ZSCAN4: variants seen among roughly 807,000 people sequenced by gnomAD.
The protein encoded by ZSCAN4 is zinc finger and SCAN domain-containing protein 4.
Under a neutral mutation model 18.3 loss-of-function variants are expected in ZSCAN4, and 18 were observed. The observed-to-expected ratio is 0.98, with a 90% CI of 0.68 to 1.46. The LOEUF (loss-of-function observed/expected upper bound fraction) is 1.46, where lower values mean the gene tolerates loss of function less well. Among genes scored for constraint, ZSCAN4 ranks in the 40% most tolerant of loss-of-function variants. The probability of loss-of-function intolerance (pLI) is 0.00; values close to 1 mark genes in which losing one functional copy is unlikely to be tolerated. For missense variants in ZSCAN4, 498 were observed against 511.4 expected (o/e 0.97, Z 0.25); for synonymous variants, 193 against 180.3 (o/e 1.07, Z -0.57).
In ZSCAN4 at chr19:57,671,237, G is replaced by T. The variant is rs73940136; in HGVS notation, c.-106+670G>T. Among the ~76,000 whole-genome samples, 1,301 of 152,194 alleles carry T rather than the reference G, an allele frequency of 8.5e-3. 18 individuals carry two copies. The highest frequency in any genetic ancestry group is 0.03 in the African/African-American group (1,232 of 41,516). ...TAGAGATCATAAAGCCCAGGATACA[G>T]ACCCAGACCTGACGGGTAGCATGCC... is the stretch of plus-strand genomic sequence containing the variant. On this transcript the variant is annotated intron_variant, in intron 2 of 4. Transcript: ENST00000318203.
Position 57,670,053 on chromosome 19 carries a change from C to A in ZSCAN4, c.-428-192C>A, listed in dbSNP as rs374035376. On this transcript the variant is annotated intron_variant, in intron 1 of 4. Transcript: ENST00000318203. ...AAGTAGCTGGGATTACAGGTGCCCA[C>A]CACCATGCCCGGCTAATTTTTGTAT... 2.1e-3 allele frequency among the ~76,000 whole-genome samples: 321 copies of A among 152,080 alleles called. 1 individual carries two copies. Among genetic ancestry groups the A allele is most frequent in the African/African-American group, 7.1e-3 (296 of 41,472 alleles).
At chr19:57,663,519 C>CAAAAAAAAAAAA in the ZSCAN4 span, among the ~76,000 whole-genome samples, 5 of 18,286 alleles carry the variant, frequency 2.7e-4, no homozygotes, top group African/African-American at 1.1e-3. Context: ...AACCATGTCT[C>CAAAAAAAAAAAA]TAAAAAAAAA....
chr19:57,665,711 A>G (rs1263164632), upstream of ZSCAN4, among the ~76,000 whole-genome samples: 2 of 152,094 alleles, frequency 1.3e-5, no homozygotes, highest in African/African-American at 4.8e-5. Flanking sequence ...CCAGATCAGG[A>G]GTTCGAGACC....
At chr19:57,674,937 A>G (rs1282074674) in intron 2 of ZSCAN4, among the ~76,000 whole-genome samples, 1 of 150,722 alleles carries the variant, frequency 6.6e-6, no homozygotes, top group African/African-American at 2.4e-5. Flanking sequence ...ACTACTTTAT[A>G]AAATATTTTT....
At chr19:57,662,312 T>A in the ZSCAN4 span, among the ~76,000 whole-genome samples, 5 of 152,108 alleles carry the variant, frequency 3.3e-5, no homozygotes, top group Non-Finnish European at 1.5e-5. Context: ...CAGGATTATA[T>A]CTTTTTATAT....
chr19:57,657,714 A>T, the ZSCAN4 span, among the ~76,000 whole-genome samples: 4 of 152,172 alleles, frequency 2.6e-5, no homozygotes, highest in Non-Finnish European at 4.4e-5. Context: ...AAGGATACCA[A>T]AACCTGAAGA....
In ZSCAN4 at chr19:57,676,259, G is replaced by A. The variant is rs1480805154; in HGVS notation, c.114G>A (p.Gly38=). Reference sequence around the variant, plus strand: ...GACCTGCTGTTCAGAGAGAAGAAGGGATTTCTGAGTTCTCAAGAATGGTGC... The same window carrying A: ...GACCTGCTGTTCAGAGAGAAGAAGGAATTTCTGAGTTCTCAAGAATGGTGC... The change falls in exon 3 of 5, where the codon GGG becomes GGA. Residue 38 remains glycine (G), a synonymous_variant. Coordinates refer to ENST00000318203, the Ensembl canonical transcript of ZSCAN4. The A allele has an allele frequency of 1.2e-5, 20 of 1,614,132 alleles. No homozygotes were observed. In the East Asian group the frequency reaches 4.5e-4, roughly 36 times the overall value.
At chr19:57,677,214 C>G (rs1314007239) in intron 3 of ZSCAN4, among the ~76,000 whole-genome samples, 5 of 152,168 alleles carry the variant, frequency 3.3e-5, no homozygotes, top group Non-Finnish European at 7.3e-5. Flanking sequence ...CCCATATTTG[C>G]AAAATTGCTA....
chr19:57,668,603 C>T (rs909671425), upstream of ZSCAN4, among the ~76,000 whole-genome samples: 4 of 152,060 alleles, frequency 2.6e-5, no homozygotes, highest in Admixed American at 2.6e-4. Context: ...GTTCTCAACT[C>T]CACCAAAGCC....
In ZSCAN4 at chr19:57,678,435, C is replaced by A. The variant is rs753534121; in HGVS notation, c.832C>A (p.Pro278Thr). ...GATGGGAGCAGGGTGTATCTCTCAACCAGAGCAGTCCTCCCCTGAGTCTGC... is the reference window on the plus strand; with the variant it reads ...GATGGGAGCAGGGTGTATCTCTCAAACAGAGCAGTCCTCCCCTGAGTCTGC... Residue 278 changes from proline (P) to threonine (T), a missense_variant, in exon 5 of 5, where the codon CCA (proline) becomes ACA (threonine). Transcript: ENST00000318203. The A allele has an allele frequency of 2.9e-5, 47 of 1,613,988 alleles. No homozygotes were observed. The Admixed American group carries it at 6.2e-4, about 21-fold the overall frequency.
exon 5 of ZSCAN4, chr19:57,678,829 C>T: frequency 6.2e-7 from 1 of 1,614,038 alleles, no homozygotes; most frequent in Non-Finnish European, 8.5e-7. Context: ...CGCCAGTCAT[C>T]CACATACCAC....
At chr19:57,667,101 C>T (rs1983876188), upstream of ZSCAN4, among the ~76,000 whole-genome samples, 2 of 152,184 alleles carry the variant, frequency 1.3e-5, no homozygotes, top group Non-Finnish European at 2.9e-5. Context: ...CCCAATTGAT[C>T]AGAAAAGCAT....
chr19:57,667,415 T>C (rs1983885027), upstream of ZSCAN4, among the ~76,000 whole-genome samples: 1 of 152,188 alleles, frequency 6.6e-6, no homozygotes, highest in South Asian at 2.1e-4. Context: ...ACTTACAGGC[T>C]ATGTAGCACT....
chr19:57,655,057 C>T, the ZSCAN4 span, among the ~76,000 whole-genome samples: 1 of 152,200 alleles, frequency 6.6e-6, no homozygotes, highest in Admixed American at 6.5e-5. Flanking sequence ...CTCACAAAGG[C>T]TCAAGTAACC....
chr19:57,661,801 G>A, the ZSCAN4 span, among the ~76,000 whole-genome samples: 1 of 152,170 alleles, frequency 6.6e-6, no homozygotes, highest in African/African-American at 2.4e-5. Context: ...GAACTACCAT[G>A]CTGGGCGCGG....
At chr19:57,664,591 G>A (rs987702798), upstream of ZSCAN4, 1 of 161,628 alleles carries the variant, frequency 6.2e-6, no homozygotes, top group African/African-American at 2.4e-5. Flanking sequence ...GGAGCGCTCA[G>A]CGGTAAAGAC....
intron 3 of ZSCAN4, 63 bp downstream of exon 3, chr19:57,676,604 CAGTT>C (rs1011834573): frequency 7.2e-5 from 109 of 1,517,882 alleles, no homozygotes; most frequent in Non-Finnish European, 8.6e-5. Flanking sequence ...AAATCACAGT[CAGTT>C]AGAGTTGTCT....
At chr19:57,677,175 G>A (rs1396291215) in intron 3 of ZSCAN4, among the ~76,000 whole-genome samples, 1 of 152,158 alleles carries the variant, frequency 6.6e-6, no homozygotes, top group Non-Finnish European at 1.5e-5. Context: ...TTCTAAAGAA[G>A]CAATTACGGT....
At chr19:57,652,921 T>A in the ZSCAN4 span, among the ~76,000 whole-genome samples, 2 of 151,978 alleles carry the variant, frequency 1.3e-5, no homozygotes, top group Admixed American at 1.3e-4. Flanking sequence ...TCTCCTCCCC[T>A]CTTACCCCTG....
Sources: allele counts gnomAD v4.1 joint callset (sites outside exome capture counted in the v4.1 genomes callset), GRCh38; gene constraint gnomAD v4.1.1; transcripts MANE v1.5; gene names NCBI Gene and HGNC (gene_info 2026-07-23, HGNC 2026-07-21).